DIAPH1: variants seen among roughly 807,000 people sequenced by gnomAD.
DIAPH1 encodes diaphanous related formin 1, also known as protein diaphanous homolog 1.
Under a neutral mutation model 140.7 loss-of-function variants are expected in DIAPH1, and 46 were observed. The observed-to-expected ratio is 0.33, with a 90% CI of 0.26 to 0.42. DIAPH1 has a LOEUF of 0.42. Ranked by LOEUF, DIAPH1 falls within the 10% of genes least tolerant of loss-of-function variation. The pLI is 1.00. For missense variants in DIAPH1, 1,310 were observed against 1,558.7 expected (o/e 0.84, Z 2.69); for synonymous variants, 565 against 551.6 (o/e 1.02, Z -0.34).
intron 1 of DIAPH1, among the ~76,000 whole-genome samples, chr5:141,605,140 T>C (rs2099900737): frequency 6.6e-6 from 1 of 152,228 alleles, no homozygotes; most frequent in Non-Finnish European, 1.5e-5. Context: ...TGTTTTACTC[T>C]TTTTATATAC....
At chr5:141,518,918 G>C (rs201797573) in intron 27 of DIAPH1, 1 of 1,549,424 alleles carries the variant, frequency 6.5e-7, no homozygotes, top group East Asian at 2.4e-5. Flanking sequence ...ATCAAGCAGG[G>C]AACACGCAGC....
At chr5:141,528,990 C>A in intron 21 of DIAPH1, 49 bp from the exon 22 acceptor site, 1 of 1,613,368 alleles carries the variant, frequency 6.2e-7, no homozygotes, top group South Asian at 1.1e-5. Flanking sequence ...AGGGGGAAGT[C>A]AGAAAAAGAT....
At position 141,559,029 on chromosome 5, in the gene DIAPH1, TA is replaced by T. The variant is rs370751176; in HGVS notation, c.2482+12398del. Among the ~76,000 whole-genome samples, 462 of 152,218 alleles carry T rather than the reference TA, an allele frequency of 3.0e-3. 2 individuals carry two copies. Among genetic ancestry groups the T allele is most frequent in the African/African-American group, 9.4e-3 (391 of 41,530 alleles). Reference sequence around the variant, plus strand: ...ATATATGAAAGATCAGAACACTTAATAATCTCTCCAGGAAATAACTTTCTGT... The same window carrying T: ...ATATATGAAAGATCAGAACACTTAATATCTCTCCAGGAAATAACTTTCTGT... On this transcript the variant is annotated intron_variant, in intron 18 of 27. Transcript: ENST00000389054.
chr5:141,539,517 A>G (rs2099889629), intron 18 of DIAPH1, among the ~76,000 whole-genome samples: 1 of 142,844 alleles, frequency 7.0e-6, no homozygotes, highest in Admixed American at 7.3e-5. Flanking sequence ...TGATCCGCCC[A>G]CCTCGGCCTC....
In DIAPH1 at chr5:141,524,359, G is replaced by A. The variant is rs148633227; in HGVS notation, c.3575-130C>T. 5.0e-4 allele frequency: 415 copies of A among 833,532 alleles called. No individual in the cohort carries two copies. In the African/African-American group the frequency reaches 5.7e-3, roughly 12 times the overall value. 51.6% of individuals were successfully genotyped at this position (833,532 alleles called of 1,614,324 possible). On this transcript the variant is annotated intron_variant, in intron 26 of 27. Coordinates refer to ENST00000389054, the MANE Select transcript of DIAPH1 (RefSeq NM_005219.5). ...CCACAGCAGCTGGCAGCTAAGAAGAGGCAAAGAGAGCTCAGCCTTAAGTCT... is the reference window on the plus strand; with the variant it reads ...CCACAGCAGCTGGCAGCTAAGAAGAAGCAAAGAGAGCTCAGCCTTAAGTCT...
intron 21 of DIAPH1, 115 bp from the exon 22 acceptor site, chr5:141,529,056 G>C (rs2099887825): frequency 6.3e-7 from 1 of 1,576,478 alleles, no homozygotes; most frequent in Non-Finnish European, 8.7e-7. Flanking sequence ...AGAAGAGAGA[G>C]ATTAAGACAG....
chr5:141,534,440 G>T lies in DIAPH1; in HGVS notation c.2483-7C>A. 1 of 1,611,684 alleles carries T rather than the reference G, an allele frequency of 6.2e-7. No homozygotes were observed. ...CCTTCTTGATCCTTCTTGGCTAGCA[G>T]GGAAAAGATTAGAAAAGCATGATTA... On this transcript the variant is annotated splice_polypyrimidine_tract_variant and splice_region_variant and intron_variant, in intron 18 of 27. Transcript: ENST00000389054.
At chr5:141,585,947 T>C (rs997223065) in intron 3 of DIAPH1, among the ~76,000 whole-genome samples, 2 of 152,232 alleles carry the variant, frequency 1.3e-5, no homozygotes, top group Non-Finnish European at 2.9e-5. Flanking sequence ...GATTTATTAT[T>C]TTTTTAAAAT....
rs200251893 is a variant in DIAPH1 at position 141,529,611 on chromosome 5, T to C, written c.2668A>G (p.Met890Val). Reference protein sequence around the residue: ...EVNEAVLTESMIQNLIKQMPE... With the variant: ...EVNEAVLTESVIQNLIKQMPE... ...ACCACCTTACTCCTTACCTGGATCA[T>C]AGACTCAGTCAGAACAGCCTCATTC... The change falls in exon 20 of 28, where the codon ATG becomes GTG. Residue 890 changes from methionine to valine, a missense_variant. Physicochemically the swap from Met to Val is conservative, Grantham distance 21 (BLOSUM62 1). This residue lies in a region of DIAPH1 where 344 missense variants were observed against 512.2 expected (regional missense o/e 0.67). Coordinates refer to ENST00000389054, the MANE Select transcript of DIAPH1 (RefSeq NM_005219.5). The C allele has an allele frequency of 5.7e-5, 92 of 1,613,812 alleles. No homozygotes were observed. The highest frequency in any genetic ancestry group is 1.6e-4 in the Middle Eastern group (1 of 6,084).
At chr5:141,538,474 T>C (rs998160390) in intron 18 of DIAPH1, among the ~76,000 whole-genome samples, 18 of 152,042 alleles carry the variant, frequency 1.2e-4, no homozygotes, top group African/African-American at 4.1e-4. Context: ...TGCCTCAGCA[T>C]CCCAAGTAAC....
intron 18 of DIAPH1, among the ~76,000 whole-genome samples, chr5:141,567,034 G>A (rs979199598): frequency 6.6e-6 from 1 of 152,194 alleles, no homozygotes; most frequent in Non-Finnish European, 1.5e-5. Flanking sequence ...ATTCCAGAGG[G>A]TACAGTGGAC....
chr5:141,549,606 T>C (rs372208180), intron 18 of DIAPH1, among the ~76,000 whole-genome samples: 2 of 152,240 alleles, frequency 1.3e-5, no homozygotes, highest in Non-Finnish European at 2.9e-5. Context: ...ATACAGCATA[T>C]TTGCCAAAAT....
chr5:141,575,180 T>A, intron 14 of DIAPH1, 34 bp from the exon 15 acceptor site: 1 of 1,610,032 alleles, frequency 6.2e-7, no homozygotes. Context: ...CCCAGCAAGC[T>A]CTCCATCTCA....
chr5:141,609,973 A>G (rs1228920888), intron 1 of DIAPH1, among the ~76,000 whole-genome samples: 3 of 152,328 alleles, frequency 2.0e-5, no homozygotes, highest in African/African-American at 4.8e-5. Context: ...AAAGAGGGAA[A>G]TTTAAAAGCT....
At chr5:141,583,149 T>G in intron 6 of DIAPH1, 57 bp downstream of exon 6, 1 of 1,459,868 alleles carries the variant, frequency 6.8e-7, no homozygotes, top group Non-Finnish European at 9.6e-7. Flanking sequence ...TCAGAGCAAA[T>G]AGCCAAGTCC....
At position 141,573,857 on chromosome 5, in the gene DIAPH1, A is replaced by T; in HGVS notation, c.1993T>A (p.Ser665Thr). 6.5e-7 allele frequency: 1 copy of T among 1,528,216 alleles called. No homozygotes were observed. The highest frequency in any genetic ancestry group is 8.8e-7 in the Non-Finnish European group (1 of 1,136,516). 94.7% of individuals were successfully genotyped at this position (1,528,216 alleles called of 1,614,324 possible). Reference protein sequence around the residue: ...PPLPEGVGIPSPSSLPGGTAI... With the variant: ...PPLPEGVGIPTPSSLPGGTAI... ...GTACCTCCAGGCAAAGAAGAGGGTG[A>T]AGGGATGCCAACACCCTCAGGCAAA... The change falls in exon 16 of 28, where the codon TCA becomes ACA. Residue 665 changes from serine to threonine, a missense_variant. By Grantham distance (58) the Ser-to-Thr change is moderately conservative (BLOSUM62 1). This residue lies in a region of DIAPH1 where 589 missense variants were observed against 549.3 expected (regional missense o/e 1.07). Coordinates refer to ENST00000389054, the MANE Select transcript of DIAPH1 (RefSeq NM_005219.5).
chr5:141,529,012 C>T (rs2099887818), intron 21 of DIAPH1, 71 bp from the exon 22 acceptor site: 1 of 1,609,106 alleles, frequency 6.2e-7, no homozygotes, highest in African/African-American at 1.3e-5. Flanking sequence ...CACGCTTGAG[C>T]CTCCTATGGG....
Position 141,618,991 on chromosome 5 carries a change from T to C in DIAPH1, c.-77A>G, listed in dbSNP as rs929418541. 4 of 797,014 alleles carry C rather than the reference T, an allele frequency of 5.0e-6. No individual in the cohort carries two copies. The African/African-American group carries it at 5.6e-5, about 11-fold the overall frequency. 49.4% of individuals were successfully genotyped at this position (797,014 alleles called of 1,614,324 possible). ...CAGCTCCGCGCCCGCCGCCGCCCAG[T>C]CGCTCTTTAGCCAGCCGCCGCGCCC... On this transcript the variant is annotated 5_prime_UTR_variant, in exon 1 of 28. Transcript: ENST00000389054.
chr5:141,583,046 T>C (rs2099897012), intron 6 of DIAPH1, among the ~76,000 whole-genome samples, 160 bp downstream of exon 6: 1 of 152,214 alleles, frequency 6.6e-6, no homozygotes, highest in Non-Finnish European at 1.5e-5. Context: ...ATAATCATCA[T>C]TCATCCTCTA....
Sources: allele counts gnomAD v4.1 joint callset (sites outside exome capture counted in the v4.1 genomes callset), GRCh38; gene constraint gnomAD v4.1.1; regional missense constraint gnomAD v4.1.1; transcripts MANE v1.5; gene names NCBI Gene and HGNC (gene_info 2026-07-23, HGNC 2026-07-21).